Variants in SENP7 observed in about 807,000 individuals in gnomAD.
SENP7 encodes the protein sentrin-specific protease 7.
Under a neutral mutation model 141.2 loss-of-function variants are expected in SENP7, and 64 were observed. The ratio of observed to expected loss-of-function variants is 0.45; its 90% confidence interval spans 0.37 to 0.56. The LOEUF (loss-of-function observed/expected upper bound fraction) is 0.56. Ranked by LOEUF, SENP7 falls within the 20% of genes least tolerant of loss-of-function variation. SENP7 has a pLI of 0.00. For missense variants in SENP7, 1,025 were observed against 1,212.2 expected, an observed-to-expected ratio of 0.85 and a Z score of 2.29; for synonymous variants, 382 against 426.4, an observed-to-expected ratio of 0.90 and a Z score of 1.28.
At chr3:101,328,191 A>G (rs1324813968) in intron 22 of SENP7, among the ~76,000 whole-genome samples, 2 of 152,154 alleles carry the variant, frequency 1.3e-5, no homozygotes, top group South Asian at 2.1e-4. Flanking sequence ...ATTTTTTTCT[A>G]AAGTGGTACT....
At chr3:101,511,448 C>T (rs2065853752) in intron 1 of SENP7, among the ~76,000 whole-genome samples, 1 of 152,096 alleles carries the variant, frequency 6.6e-6, no homozygotes, top group African/African-American at 2.4e-5. Flanking sequence ...TTAGGAAGCC[C>T]GCAAATGACA....
At chr3:101,377,233 A>G (rs931624916) in intron 6 of SENP7, among the ~76,000 whole-genome samples, 1 of 152,188 alleles carries the variant, frequency 6.6e-6, no homozygotes, top group Non-Finnish European at 1.5e-5. Flanking sequence ...CCTAACGGGT[A>G]AAACTGAAAA....
intron 4 of SENP7, among the ~76,000 whole-genome samples, chr3:101,435,320 G>C (rs1166400401): frequency 6.6e-6 from 1 of 152,016 alleles, no homozygotes; most frequent in Admixed American, 6.6e-5. Context: ...TAGTATCCTA[G>C]CTAGTATCAT....
At chr3:101,352,901 T>C (rs1406585063) in intron 11 of SENP7, among the ~76,000 whole-genome samples, 1 of 152,024 alleles carries the variant, frequency 6.6e-6, no homozygotes, top group Non-Finnish European at 1.5e-5. Context: ...AAGTGAGCCA[T>C]GAAAACCAAA....
intron 3 of SENP7, among the ~76,000 whole-genome samples, chr3:101,477,863 G>C (rs776980346): frequency 1.3e-5 from 2 of 149,712 alleles, no homozygotes; most frequent in Admixed American, 1.3e-4. Context: ...AAAAAAAAAA[G>C]TTAGTAGAGA....
chr3:101,488,669 T>C (rs964711190), intron 3 of SENP7, among the ~76,000 whole-genome samples: 1 of 152,128 alleles, frequency 6.6e-6, no homozygotes, highest in African/African-American at 2.4e-5. Flanking sequence ...CAGTGAAACC[T>C]TGTCTCTACT....
At chr3:101,424,664 T>C (rs960145492) in intron 4 of SENP7, among the ~76,000 whole-genome samples, 1 of 151,564 alleles carries the variant, frequency 6.6e-6, no homozygotes, top group African/African-American at 2.4e-5. Flanking sequence ...CGTGCCAACA[T>C]CACCAACAGC....
At position 101,361,712 on chromosome 3, in the gene SENP7, T is replaced by C; in HGVS notation, c.1623+3A>G. On this transcript the variant is annotated splice_donor_region_variant and intron_variant, in intron 11 of 23. Coordinates refer to ENST00000394095, the MANE Select transcript of SENP7 (RefSeq NM_020654.5). ...AAAAGAAAATTAAAGAAAATATACT[T>C]ACTGTAACACAACCTTTAGAAGCTC... is the stretch of plus-strand genomic sequence containing the variant. The C allele has an allele frequency of 6.4e-7, 1 of 1,552,994 alleles. No homozygotes were observed. The highest frequency in any genetic ancestry group is 8.6e-7 in the Non-Finnish European group (1 of 1,158,858).
intron 12 of SENP7, 75 bp from the exon 13 acceptor site, chr3:101,348,126 T>C (rs2059519027): frequency 1.1e-6 from 1 of 879,242 alleles, no homozygotes; most frequent in East Asian, 2.7e-5. Flanking sequence ...TATATGACAC[T>C]TGTTAATACA....
At chr3:101,455,510 G>A (rs962066912) in intron 4 of SENP7, among the ~76,000 whole-genome samples, 2 of 152,022 alleles carry the variant, frequency 1.3e-5, no homozygotes, top group Non-Finnish European at 2.9e-5. Flanking sequence ...AATAATTAGT[G>A]GAGTAGGAAG....
chr3:101,494,834 T>C (rs978082002), intron 2 of SENP7, among the ~76,000 whole-genome samples: 1 of 151,968 alleles, frequency 6.6e-6, no homozygotes, highest in Non-Finnish European at 1.5e-5. Context: ...CACAAAACTA[T>C]AAAAACCCTA....
At chr3:101,455,584 A>T (rs936987274) in intron 4 of SENP7, among the ~76,000 whole-genome samples, 3 of 152,160 alleles carry the variant, frequency 2.0e-5, no homozygotes, top group South Asian at 2.1e-4. Flanking sequence ...GATACAAATT[A>T]TGTAAGCTCA....
At position 101,376,001 on chromosome 3, in the gene SENP7, C is replaced by A. The variant is rs116613102; in HGVS notation, c.678-3875G>T. ...GGGGAATTATTATTTAATGGTAACA[C>A]AGTTTCTGCTTGAGATGAAAAAGTT... On this transcript the variant is annotated intron_variant, in intron 6 of 23. Coordinates refer to ENST00000394095, the MANE Select transcript of SENP7 (RefSeq NM_020654.5). Among the ~76,000 whole-genome samples the A allele has an allele frequency of 2.1e-3, 319 of 152,200 alleles. 1 individual carries two copies. The highest frequency in any genetic ancestry group is 7.5e-3 in the African/African-American group (310 of 41,548).
At chr3:101,396,488 T>C (rs2060972469) in intron 6 of SENP7, among the ~76,000 whole-genome samples, 1 of 152,090 alleles carries the variant, frequency 6.6e-6, no homozygotes, top group African/African-American at 2.4e-5. Flanking sequence ...AGCTCAATCA[T>C]CACAACTTTT....
At chr3:101,438,785 TG>T (rs2062490114) in intron 4 of SENP7, among the ~76,000 whole-genome samples, 1 of 152,168 alleles carries the variant, frequency 6.6e-6, no homozygotes, top group Non-Finnish European at 1.5e-5. Flanking sequence ...TGAATTCAAC[TG>T]AACATTTAAA....
intron 4 of SENP7, among the ~76,000 whole-genome samples, chr3:101,440,684 G>C (rs2062633949): frequency 6.7e-6 from 1 of 149,712 alleles, no homozygotes; most frequent in South Asian, 2.1e-4. Context: ...GACAGTATTA[G>C]CCTAATACCA....
intron 6 of SENP7, among the ~76,000 whole-genome samples, chr3:101,376,589 A>G (rs532196208): frequency 6.6e-6 from 1 of 151,712 alleles, no homozygotes; most frequent in Non-Finnish European, 1.5e-5. Context: ...AACAATGAGA[A>G]CACATGGACA....
At chr3:101,505,566 A>T (rs941859406) in intron 1 of SENP7, among the ~76,000 whole-genome samples, 1 of 152,094 alleles carries the variant, frequency 6.6e-6, no homozygotes. Context: ...CAATTTTTTT[A>T]TAGCTGACTT....
chr3:101,459,102 G>T, intron 3 of SENP7, 50 bp from the exon 4 acceptor site: 2 of 1,058,468 alleles, frequency 1.9e-6, no homozygotes, highest in Non-Finnish European at 1.4e-6. Context: ...AATATGACAA[G>T]AGGCATTTAA....
Sources: gnomAD v4.1 joint callset for allele counts (sites outside exome capture counted in the v4.1 genomes callset) on GRCh38, gnomAD v4.1.1 for gene constraint, MANE v1.5 for transcripts, NCBI Gene and HGNC (gene_info 2026-07-23, HGNC 2026-07-21) for gene names.